Variants in NET1 observed in about 807,000 individuals in gnomAD.
NET1 encodes neuroepithelial cell transforming 1.
A neutral mutation model predicts 61.1 loss-of-function variants in NET1; 42 were observed. The ratio of observed to expected loss-of-function variants is 0.69; its 90% confidence interval spans 0.54 to 0.89. The LOEUF (loss-of-function observed/expected upper bound fraction) is 0.89, where lower values mean the gene tolerates loss of function less well. Among genes scored for constraint, NET1 ranks in the 40% least tolerant of loss-of-function variants. The pLI, the probability that NET1 is intolerant of heterozygous loss-of-function variation, is 0.00. For missense variants in NET1, 654 were observed against 747.3 expected (o/e 0.88, Z 1.46); for synonymous variants, 254 against 281.8 (o/e 0.90, Z 0.99).
Position 5,440,728 on chromosome 10 carries a change from G to T in NET1, c.256-11102G>T, listed in dbSNP as rs1832512337. On this transcript the variant is annotated intron_variant, in intron 3 of 11. Coordinates refer to ENST00000355029, the MANE Select transcript of NET1 (RefSeq NM_001047160.3). This position sits in a 1 kb window ranked among gnomAD's most constrained non-coding sequence, Gnocchi z 4.1. The stretch of plus-strand genomic sequence containing the variant: ...TTTTTCAAATCTTTTAAAGCAATTA[G>T]CCAAAGCCAGTAAACACTACAATCA... Among the ~76,000 whole-genome samples the T allele has an allele frequency of 5.3e-5, 8 of 152,030 alleles. No individual in the cohort carries two copies. In the South Asian group the frequency reaches 1.7e-3, roughly 32 times the overall value.
rs1202272152 is a variant in NET1 at position 5,457,469 on chromosome 10, T to C, written c.*475T>C. The C allele has an allele frequency of 3.3e-5, 5 of 152,720 alleles. No individual in the cohort carries two copies. The highest frequency in any genetic ancestry group is 7.3e-5 in the Non-Finnish European group (5 of 68,110). 9.5% of individuals were successfully genotyped at this position (152,720 alleles called of 1,614,324 possible). A position where few individuals can be genotyped will look rare whatever the true frequency, so the allele number is the denominator to read the frequency against. On this transcript the variant is annotated 3_prime_UTR_variant, in exon 12 of 12. Coordinates refer to ENST00000355029, the MANE Select transcript of NET1 (RefSeq NM_001047160.3). The surrounding 1 kb of genome is among the most constrained non-coding windows in gnomAD (Gnocchi z 5.4). ...TGTCTGGAGTATTTCAAACTTTACA[T>C]TGAAACATAATTTCCTTGGAAAACA...
At chr10:5,434,807 G>T (rs961048525) in intron 3 of NET1, among the ~76,000 whole-genome samples, 1 of 149,948 alleles carries the variant, frequency 6.7e-6, no homozygotes, top group Non-Finnish European at 1.5e-5. Flanking sequence ...TAGAAAAGCT[G>T]ATCAAAGGAC....
chr10:5,429,317 T>C lies in NET1; in HGVS notation c.255+88T>C, dbSNP rs530137373. Reference sequence around the variant, plus strand: ...GTGCTGCAAGAATAACAAATGCTGGTTTGGGTTTTTTTGTTTTTTTGTTTT... The same window carrying C: ...GTGCTGCAAGAATAACAAATGCTGGCTTGGGTTTTTTTGTTTTTTTGTTTT... On this transcript the variant is annotated intron_variant, in intron 3 of 11. Transcript: ENST00000355029. The C allele has an allele frequency of 1.6e-4, 171 of 1,063,976 alleles. 2 individuals are homozygous for C. The South Asian group carries it at 2.5e-3, about 15-fold the overall frequency. The allele number at this position is 1,063,976 out of a possible 1,614,324, so 65.9% of individuals were successfully genotyped here.
Position 5,454,671 on chromosome 10 carries a change from A to G in NET1, c.1026+149A>G. ...CCAGTGCGTTAGTACGCTGTGCACT[A>G]AGCAATAAGGAGCTGTGTATGCTGG... On this transcript the variant is annotated intron_variant, in intron 9 of 11. Transcript: ENST00000355029. The surrounding 1 kb of genome is among the most constrained non-coding windows in gnomAD (Gnocchi z 8.1). 1 of 954,256 alleles carries G rather than the reference A, an allele frequency of 1.0e-6. No individual in the cohort carries two copies. Among genetic ancestry groups the G allele is most frequent in the Non-Finnish European group, 1.5e-6 (1 of 649,066 alleles). 59.1% of individuals were successfully genotyped at this position (954,256 alleles called of 1,614,324 possible).
In NET1 at chr10:5,412,797, C is replaced by T. The variant is rs778146758; in HGVS notation, c.105C>T (p.Thr35=). ...GAGCGACGGGGCCTTCGGCCGACAC[C>T]TCCGGGTCGGAGCTGGACGGGAGGT... ...TEGATGPSAD[T]SGSELDGRCS... is the part of the protein sequence containing the mutation. The change falls in exon 1 of 12, where the codon ACC becomes ACT. Residue 35 remains threonine, a synonymous_variant. Coordinates refer to ENST00000355029, the MANE Select transcript of NET1 (RefSeq NM_001047160.3). The surrounding 1 kb of genome is among the most constrained non-coding windows in gnomAD (Gnocchi z 6.5). 5 of 1,448,714 alleles carry T rather than the reference C, an allele frequency of 3.5e-6. No individual in the cohort carries two copies. Among genetic ancestry groups the T allele is most frequent in the East Asian group, 5.9e-5 (2 of 33,772 alleles). 89.7% of individuals were successfully genotyped at this position (1,448,714 alleles called of 1,614,324 possible).
At position 5,451,761 on chromosome 10, in the gene NET1, T is replaced by C. The variant is rs1832708899; in HGVS notation, c.256-69T>C. The C allele has an allele frequency of 7.9e-7, 1 of 1,265,570 alleles. No homozygotes were observed. Among genetic ancestry groups the C allele is most frequent in the African/African-American group, 1.5e-5 (1 of 67,344 alleles). 78.4% of individuals were successfully genotyped at this position (1,265,570 alleles called of 1,614,324 possible). The stretch of plus-strand genomic sequence containing the variant: ...AAATTGTTTTGTGAGAGGGCTTTAC[T>C]TTGTCCAAGTTTGTATGAAATCATT... On this transcript the variant is annotated intron_variant, in intron 3 of 11. Transcript: ENST00000355029. The surrounding 1 kb of genome is among the most constrained non-coding windows in gnomAD (Gnocchi z 6.1).
rs928258121 is a variant in NET1, at chr10:5,416,062, T to C, written c.128+3242T>C. ...GGGTCTTTAATCCATTTTGAGTTAGTTTTTGTATATAATGTGAGATGACGG... is the reference window on the plus strand; with the variant it reads ...GGGTCTTTAATCCATTTTGAGTTAGCTTTTGTATATAATGTGAGATGACGG... On this transcript the variant is annotated intron_variant, in intron 1 of 11. Coordinates refer to ENST00000355029, the MANE Select transcript of NET1 (RefSeq NM_001047160.3). This position sits in a 1 kb window ranked among gnomAD's most constrained non-coding sequence, Gnocchi z 6.1. Among the ~76,000 whole-genome samples, 1 of 152,212 alleles carries C rather than the reference T, an allele frequency of 6.6e-6. No individual in the cohort carries two copies. The highest frequency in any genetic ancestry group is 6.5e-5 in the Admixed American group (1 of 15,280).
At chr10:5,448,479 A>G (rs1463803643) in intron 3 of NET1, among the ~76,000 whole-genome samples, 3 of 152,252 alleles carry the variant, frequency 2.0e-5, no homozygotes, top group African/African-American at 4.8e-5. Context: ...ATAATAATGT[A>G]TGTGACTGCC....
In NET1 at chr10:5,412,753, T is replaced by G. The variant is rs1313290331; in HGVS notation, c.61T>G (p.Ser21Ala). 1.1e-5 allele frequency: 17 copies of G among 1,483,680 alleles called. No homozygotes were observed. Among genetic ancestry groups the G allele is most frequent in the Non-Finnish European group, 1.5e-5 (17 of 1,123,526 alleles). The allele number at this position is 1,483,680 out of a possible 1,614,324, so 91.9% of individuals were successfully genotyped here. A position where few individuals can be genotyped will look rare whatever the true frequency, so the allele number is the denominator to read the frequency against. Residue 21 changes from serine (S) to alanine (A), a missense_variant, in exon 1 of 12, where the codon TCT (serine) becomes GCT (alanine). Coordinates refer to ENST00000355029, the MANE Select transcript of NET1 (RefSeq NM_001047160.3). This position sits in a 1 kb window ranked among gnomAD's most constrained non-coding sequence, Gnocchi z 6.5. ...PRPRRRSRRA[S>A]GLSTEGATGP... ...ACCGCGGAGGCGAAGCCGCCGGGCCTCTGGGCTCAGCACGGAGGGAGCGAC... is the reference window on the plus strand; with the variant it reads ...ACCGCGGAGGCGAAGCCGCCGGGCCGCTGGGCTCAGCACGGAGGGAGCGAC...
At position 5,412,647 on chromosome 10, in the gene NET1, CGG is replaced by C; in HGVS notation, c.-45_-44del. On this transcript the variant is annotated 5_prime_UTR_variant, in exon 1 of 12. Coordinates refer to ENST00000355029, the MANE Select transcript of NET1 (RefSeq NM_001047160.3). The surrounding 1 kb of genome is among the most constrained non-coding windows in gnomAD (Gnocchi z 6.5). The stretch of plus-strand genomic sequence containing the variant: ...TGGCGGGCATCGTGCCCGTCCCTGC[CGG>C]TCTCCCGGGCACCCGGCCACCGCCC... 2 of 1,444,196 alleles carry C rather than the reference CGG, an allele frequency of 1.4e-6. No individual in the cohort carries two copies. The highest frequency in any genetic ancestry group is 1.8e-6 in the Non-Finnish European group (2 of 1,110,766). 89.5% of individuals were successfully genotyped at this position (1,444,196 alleles called of 1,614,324 possible).
rs1030216884 is a variant in NET1, at chr10:5,437,967, A to T, written c.255+8738A>T. On this transcript the variant is annotated intron_variant, in intron 3 of 11. Transcript: ENST00000355029. The surrounding 1 kb of genome is among the most constrained non-coding windows in gnomAD (Gnocchi z 4.3). The stretch of plus-strand genomic sequence containing the variant: ...CAAAAGGAAATCTAAAAAATTTATA[A>T]GTATGTGGAAATTAAACAACACATT... Among the ~76,000 whole-genome samples, 1 of 152,242 alleles carries T rather than the reference A, an allele frequency of 6.6e-6. No homozygotes were observed. The highest frequency in any genetic ancestry group is 1.5e-5 in the Non-Finnish European group (1 of 68,046).
chr10:5,413,087 A>G (rs1832029579), intron 1 of NET1, among the ~76,000 whole-genome samples: 1 of 151,122 alleles, frequency 6.6e-6, no homozygotes. Flanking sequence ...GGCTGGAGTG[A>G]CAGTGTGCCT....
rs1219744982 is a variant in NET1, at chr10:5,437,612, G to A, written c.255+8383G>A. Among the ~76,000 whole-genome samples, 7 of 151,148 alleles carry A rather than the reference G, an allele frequency of 4.6e-5. No individual in the cohort carries two copies. The highest frequency in any genetic ancestry group is 7.4e-5 in the Non-Finnish European group (5 of 67,814). ...TTTGCCAAATTGATACTTTTCTATC[G>A]GTTTATGATAATATTCATAACCGAG... On this transcript the variant is annotated intron_variant, in intron 3 of 11. Coordinates refer to ENST00000355029, the MANE Select transcript of NET1 (RefSeq NM_001047160.3). This position sits in a 1 kb window ranked among gnomAD's most constrained non-coding sequence, Gnocchi z 4.3.
intron 1 of NET1, among the ~76,000 whole-genome samples, chr10:5,419,186 C>G (rs1212392289): frequency 6.6e-6 from 1 of 152,114 alleles, no homozygotes; most frequent in East Asian, 1.9e-4. Flanking sequence ...GTTAATATAG[C>G]TACTCTAGCT....
chr10:5,431,379 AG>A lies in NET1; in HGVS notation c.255+2151del, dbSNP rs1193449540. Among the ~76,000 whole-genome samples, 3 of 151,948 alleles carry A rather than the reference AG, an allele frequency of 2.0e-5. No homozygotes were observed. The highest frequency in any genetic ancestry group is 1.5e-5 in the Non-Finnish European group (1 of 68,028). On this transcript the variant is annotated intron_variant, in intron 3 of 11. Transcript: ENST00000355029. This position sits in a 1 kb window ranked among gnomAD's most constrained non-coding sequence, Gnocchi z 4.9. ...GACAAGTTGGTAATTAGATCTAGAG[AG>A]CTGATCCAGTGTGGGTTTTTTGGGC...
Position 5,453,862 on chromosome 10 carries a change from C to T in NET1, c.768+302C>T, listed in dbSNP as rs371526430. On this transcript the variant is annotated intron_variant, in intron 8 of 11. Transcript: ENST00000355029. The surrounding 1 kb of genome is among the most constrained non-coding windows in gnomAD (Gnocchi z 4.9). ...TGTATGTTTAAGCGCATGCCAAATG[C>T]GGGGCACTGTTTGAGGAGGAGTCGC... Among the ~76,000 whole-genome samples the T allele has an allele frequency of 1.5e-4, 23 of 152,134 alleles. 1 individual carries two copies. Among genetic ancestry groups the T allele is most frequent in the African/African-American group, 4.8e-4 (20 of 41,498 alleles).
Position 5,453,460 on chromosome 10 carries a change from G to A in NET1, c.692-24G>A, listed in dbSNP as rs1028610128. On this transcript the variant is annotated intron_variant, in intron 7 of 11. Transcript: ENST00000355029. The surrounding 1 kb of genome is among the most constrained non-coding windows in gnomAD (Gnocchi z 4.9). Reference sequence around the variant, plus strand: ...TTTTTTAAATAAACCTGTTAATGGTGTTTATGCTTTTTTATCACTTCAGAT... The same window carrying A: ...TTTTTTAAATAAACCTGTTAATGGTATTTATGCTTTTTTATCACTTCAGAT... 1.9e-6 allele frequency: 3 copies of A among 1,612,600 alleles called. No homozygotes were observed. In the Admixed American group the frequency reaches 5.0e-5, roughly 27 times the overall value.
chr10:5,455,259 G>A lies in NET1; in HGVS notation c.1197+141G>A. 1.5e-6 allele frequency: 1 copy of A among 661,824 alleles called. No individual in the cohort carries two copies. The highest frequency in any genetic ancestry group is 2.6e-6 in the Non-Finnish European group (1 of 389,882). 41.0% of individuals were successfully genotyped at this position (661,824 alleles called of 1,614,324 possible). ...TGCCAATTTTAATTTTATATTACCA[G>A]CTTGATAAAGCCAACAAAGAAGATA... On this transcript the variant is annotated intron_variant, in intron 10 of 11. Transcript: ENST00000355029. The surrounding 1 kb of genome is among the most constrained non-coding windows in gnomAD (Gnocchi z 6.5).
intron 1 of NET1, among the ~76,000 whole-genome samples, chr10:5,419,706 T>TGTTGTTG (rs1554816041): frequency 6.6e-6 from 1 of 150,908 alleles, no homozygotes; most frequent in Admixed American, 6.6e-5. Flanking sequence ...TTTTCTTTGT[T>TGTTGTTG]TTGTTGTTGT....
Sources: gnomAD v4.1 joint callset for allele counts (sites outside exome capture counted in the v4.1 genomes callset) on GRCh38, gnomAD v4.1.1 for gene constraint, Gnocchi (gnomAD v3.1) non-coding constraint, MANE v1.5 for transcripts, NCBI Gene and HGNC (gene_info 2026-07-23, HGNC 2026-07-21) for gene names.